PHTF2: variants seen among roughly 807,000 people sequenced by gnomAD.
PHTF2 encodes the protein protein PHTF2.
In PHTF2, 60 loss-of-function variants were observed where a neutral mutation model predicts 101.2. That is an observed-to-expected ratio of 0.59 (90% CI 0.48 to 0.73). The LOEUF is 0.73. Ranked by LOEUF, PHTF2 falls within the 30% of genes least tolerant of loss-of-function variation. The pLI is 0.00. For missense variants in PHTF2, 747 were observed against 908.7 expected, an observed-to-expected ratio of 0.82 and a Z score of 2.29; for synonymous variants, 311 against 307.3, an observed-to-expected ratio of 1.01 and a Z score of -0.13.
intron 11 of PHTF2, among the ~76,000 whole-genome samples, chr7:77,925,305 G>A (rs848489): frequency 0.42 from 63,873 of 151,744 alleles, 15,243 homozygotes; most frequent in East Asian, 0.68. Flanking sequence ...AGTTTTAGGC[G>A]TCTAAAGATT....
At chr7:77,835,801 A>G (rs767820457) in intron 1 of PHTF2, among the ~76,000 whole-genome samples, 7 of 152,170 alleles carry the variant, frequency 4.6e-5, no homozygotes, top group Non-Finnish European at 1.0e-4. Context: ...AGTAAGCTAG[A>G]GAAAAAGTGT....
intron 7 of PHTF2, chr7:77,906,349 A>G (rs1051012007): frequency 7.9e-5 from 12 of 152,328 alleles, no homozygotes; most frequent in African/African-American, 2.9e-4. Context: ...TACCAGAGTT[A>G]CGGAGGAAAA....
intron 11 of PHTF2, chr7:77,924,133 T>TA (rs1195645678): frequency 3.6e-5 from 34 of 957,518 alleles, no homozygotes; most frequent in South Asian, 4.8e-5. Flanking sequence ...AGGGCGTTTC[T>TA]AAAAAAAAGC....
chr7:77,933,270 ATAGT>A (rs1280263350), intron 12 of PHTF2, among the ~76,000 whole-genome samples: 2 of 152,114 alleles, frequency 1.3e-5, no homozygotes, highest in African/African-American at 2.4e-5. Context: ...AAATAAATAA[ATAGT>A]TGCTCTTCAA....
intron 1 of PHTF2, among the ~76,000 whole-genome samples, chr7:77,814,983 A>G (rs1356951888): frequency 1.3e-5 from 2 of 152,086 alleles, no homozygotes; most frequent in African/African-American, 2.4e-5. Flanking sequence ...AGGCTGAGAC[A>G]GGATGATCAT....
chr7:77,800,533 A>G (rs1584325305), intron 1 of PHTF2, among the ~76,000 whole-genome samples: 1 of 152,222 alleles, frequency 6.6e-6, no homozygotes. Context: ...GCACTCTTGC[A>G]TAGATAGTCA....
At chr7:77,864,598 C>G (rs1156454653) in intron 3 of PHTF2, among the ~76,000 whole-genome samples, 1 of 152,132 alleles carries the variant, frequency 6.6e-6, no homozygotes, top group Non-Finnish European at 1.5e-5. Flanking sequence ...AGTGTTTAGA[C>G]TGCCCACTTA....
intron 1 of PHTF2, among the ~76,000 whole-genome samples, chr7:77,811,855 C>T (rs931239094): frequency 2.0e-5 from 3 of 151,724 alleles, no homozygotes; most frequent in East Asian, 1.9e-4. Context: ...TCTCAGTGGA[C>T]GTAAAGTATA....
intron 5 of PHTF2, among the ~76,000 whole-genome samples, chr7:77,898,841 C>T (rs1451652624): frequency 6.6e-6 from 1 of 151,904 alleles, no homozygotes; most frequent in East Asian, 1.9e-4. Flanking sequence ...ACTTTGTCGC[C>T]AGGCTGGAGT....
At chr7:77,953,729 T>G in intron 18 of PHTF2, 40 bp from the exon 18 acceptor site, 1 of 1,583,062 alleles carries the variant, frequency 6.3e-7, no homozygotes, top group East Asian at 2.2e-5. Flanking sequence ...TTAGTAATTC[T>G]TTTTGAATCT....
At chr7:77,804,804 C>T (rs995405260) in intron 1 of PHTF2, among the ~76,000 whole-genome samples, 1 of 152,230 alleles carries the variant, frequency 6.6e-6, no homozygotes, top group South Asian at 2.1e-4. Flanking sequence ...CAACCATTGG[C>T]ACTTAGTTCA....
intron 1 of PHTF2, among the ~76,000 whole-genome samples, chr7:77,809,372 A>C (rs1793250225): frequency 6.6e-6 from 1 of 151,862 alleles, no homozygotes; most frequent in Admixed American, 6.6e-5. Context: ...GATTACAGGA[A>C]CCTGCCAACA....
chr7:77,892,867 G>A (rs571371095), intron 3 of PHTF2, among the ~76,000 whole-genome samples: 2 of 152,230 alleles, frequency 1.3e-5, no homozygotes, highest in East Asian at 3.9e-4. Flanking sequence ...TCACAACTTT[G>A]TTTTCCAATT....
At chr7:77,920,397 C>A in exon 10 of PHTF2, 1 of 1,613,374 alleles carries the variant, frequency 6.2e-7, no homozygotes, top group Non-Finnish European at 8.5e-7. Context: ...CCATGAACCT[C>A]AGTGTGAAAC....
In PHTF2 at chr7:77,894,133, G is replaced by A; in HGVS notation, c.216+140G>A. 4.0e-6 allele frequency: 3 copies of A among 749,546 alleles called. No homozygotes were observed. The South Asian group carries it at 4.5e-5, about 11-fold the overall frequency. The allele number at this position is 749,546 out of a possible 1,614,324, so 46.4% of individuals were successfully genotyped here. On this transcript the variant is annotated intron_variant, in intron 5 of 19. Coordinates refer to ENST00000416283, the Ensembl canonical transcript of PHTF2. ...CTGAAAAGTTGGTCATTTTAAAAAA[G>A]AAGTTAGGACAGTAAAGCACTAATT...
chr7:77,954,924 AC>A (rs753233663), exon 20 of PHTF2: 21 of 1,120,834 alleles, frequency 1.9e-5, no homozygotes, highest in Non-Finnish European at 2.6e-5. Flanking sequence ...GAATAAGAGT[AC>A]TGACTAAGCT....
intron 3 of PHTF2, among the ~76,000 whole-genome samples, chr7:77,885,793 A>G (rs1295165565): frequency 6.6e-6 from 1 of 152,216 alleles, no homozygotes; most frequent in African/African-American, 2.4e-5. Context: ...ATTAGACAGC[A>G]TTTATCCTGG....
At chr7:77,930,802 T>C (rs1219566437) in intron 12 of PHTF2, among the ~76,000 whole-genome samples, 2 of 152,234 alleles carry the variant, frequency 1.3e-5, no homozygotes, top group African/African-American at 2.4e-5. Flanking sequence ...CTGGTCTCTT[T>C]ACCTCTGTCT....
At chr7:77,877,006 A>G (rs1798999520) in intron 3 of PHTF2, among the ~76,000 whole-genome samples, 1 of 152,128 alleles carries the variant, frequency 6.6e-6, no homozygotes, top group African/African-American at 2.4e-5. Context: ...GTTAAATAGA[A>G]CTTGGGTATT....
Sources: gnomAD v4.1 joint callset for allele counts (sites outside exome capture counted in the v4.1 genomes callset) on GRCh38, gnomAD v4.1.1 for gene constraint, MANE v1.5 for transcripts, NCBI Gene and HGNC (gene_info 2026-07-23, HGNC 2026-07-21) for gene names.